Variants in PLEKHA8 observed in about 807,000 individuals in gnomAD.
The protein encoded by PLEKHA8 is pleckstrin homology domain containing A8.
In PLEKHA8, 36 loss-of-function variants were observed where a neutral mutation model predicts 68.2. That is an observed-to-expected ratio of 0.53 (90% CI 0.40 to 0.70). The LOEUF (loss-of-function observed/expected upper bound fraction) is 0.70. Ranked by LOEUF, PLEKHA8 falls within the 30% of genes least tolerant of loss-of-function variation. The probability of loss-of-function intolerance (pLI) is 0.00; values close to 1 mark genes in which losing one functional copy is unlikely to be tolerated. For missense variants in PLEKHA8, 505 were observed against 615.4 expected, an observed-to-expected ratio of 0.82 and a Z score of 1.90; for synonymous variants, 211 against 216.1, an observed-to-expected ratio of 0.98 and a Z score of 0.20.
rs775066035 is a variant in PLEKHA8, at chr7:30,028,771, G to C, written c.9G>C (p.Gly3=). The change falls in exon 1 of 14, where the codon GGG becomes GGC. Residue 3 remains glycine, a synonymous_variant. Coordinates refer to ENST00000449726, the MANE Select transcript of PLEKHA8 (RefSeq NM_001197026.2). ...GAGTGGCCGCGGGCGCCATGGAGGG[G>C]GTGCTGTACAAGTGGACCAACTATC... ME[G]VLYKWTNYLS... is the part of the protein sequence containing the mutation. The C allele has an allele frequency of 1.6e-6, 2 of 1,270,956 alleles. No individual in the cohort carries two copies. The highest frequency in any genetic ancestry group is 2.1e-4 in the Middle Eastern group (1 of 4,862). The allele number at this position is 1,270,956 out of a possible 1,614,324, so 78.7% of individuals were successfully genotyped here.
At chr7:30,117,978 A>G in intron 13 of PLEKHA8, 3 of 1,531,944 alleles carry the variant, frequency 2.0e-6, no homozygotes, top group South Asian at 1.2e-5. Context: ...AGGGACACAC[A>G]AATGTCTGAT....
chr7:30,104,350 A>T (rs1795982530), intron 13 of PLEKHA8, among the ~76,000 whole-genome samples: 1 of 152,206 alleles, frequency 6.6e-6, no homozygotes, highest in Non-Finnish European at 1.5e-5. Flanking sequence ...CTTTTTCCAT[A>T]ATAGCCCCAA....
chr7:30,065,567 C>T (rs1005596065), intron 12 of PLEKHA8, among the ~76,000 whole-genome samples: 1 of 152,106 alleles, frequency 6.6e-6, no homozygotes. Flanking sequence ...TTTGAAGTCC[C>T]AGCCTTCATA....
At chr7:30,116,790 C>T (rs1051446738) in intron 13 of PLEKHA8, among the ~76,000 whole-genome samples, 4 of 152,192 alleles carry the variant, frequency 2.6e-5, no homozygotes, top group African/African-American at 9.7e-5. Flanking sequence ...CTGAGCAAAA[C>T]CTGGAATGTC....
chr7:30,083,850 T>C lies in PLEKHA8; in HGVS notation c.*5063T>C. ...CTTACAAACAGAAACCACCCTGGGA[T>C]GGTTGATACCCCTTACAAAGTCGAT... On this transcript the variant is annotated 3_prime_UTR_variant, in exon 14 of 14. Coordinates refer to ENST00000449726, the MANE Select transcript of PLEKHA8 (RefSeq NM_001197026.2). 6.1e-6 allele frequency: 6 copies of C among 985,394 alleles called. No homozygotes were observed. The highest frequency in any genetic ancestry group is 7.2e-6 in the Non-Finnish European group (6 of 829,882). 61.0% of individuals were successfully genotyped at this position (985,394 alleles called of 1,614,324 possible). A position where few individuals can be genotyped will look rare whatever the true frequency, so the allele number is the denominator to read the frequency against.
chr7:30,058,849 G>T (rs1366676027), intron 9 of PLEKHA8, among the ~76,000 whole-genome samples: 1 of 152,192 alleles, frequency 6.6e-6, no homozygotes, highest in Non-Finnish European at 1.5e-5. Flanking sequence ...ATCGAAGGCT[G>T]GGCTCACTGG....
intron 13 of PLEKHA8, among the ~76,000 whole-genome samples, chr7:30,114,465 C>T (rs138130663): frequency 5.3e-5 from 8 of 152,308 alleles, no homozygotes; most frequent in African/African-American, 9.6e-5. Flanking sequence ...TCTTAGCTAC[C>T]GTGCAACAGT....
chr7:30,045,039 C>G, intron 1 of PLEKHA8, 46 bp from the exon 2 acceptor site: 1 of 1,348,974 alleles, frequency 7.4e-7, no homozygotes, highest in East Asian at 2.3e-5. Flanking sequence ...GGAGGTAGTT[C>G]ATACACAGGC....
intron 12 of PLEKHA8, among the ~76,000 whole-genome samples, chr7:30,067,529 G>GA (rs1312193949): frequency 1.3e-5 from 2 of 152,212 alleles, no homozygotes; most frequent in South Asian, 2.1e-4. Context: ...TGACCTAATA[G>GA]AAAAAAATAG....
At chr7:30,051,422 A>G (rs1792402120) in intron 6 of PLEKHA8, among the ~76,000 whole-genome samples, 1 of 151,886 alleles carries the variant, frequency 6.6e-6, no homozygotes, top group Non-Finnish European at 1.5e-5. Context: ...AAAATAGCAA[A>G]TACTTTTCCT....
At chr7:30,115,959 C>CATGCATACATGTGCATGCATGCATGT (rs1431221770) in intron 13 of PLEKHA8, 3 of 146,498 alleles carry the variant, frequency 2.0e-5, no homozygotes, top group Non-Finnish European at 3.0e-5. Context: ...CGCATACATG[C>CATGCATACATGTGCATGCATGCATGT]ATGCATACAT....
At chr7:30,105,934 T>C (rs1196400551) in intron 13 of PLEKHA8, among the ~76,000 whole-genome samples, 1 of 152,256 alleles carries the variant, frequency 6.6e-6, no homozygotes, top group East Asian at 1.9e-4. Context: ...GAATCCACCT[T>C]TTGGTGATTA....
In PLEKHA8 at chr7:30,081,637, T is replaced by C; in HGVS notation, c.*2850T>C. On this transcript the variant is annotated 3_prime_UTR_variant, in exon 14 of 14. Transcript: ENST00000449726. The stretch of plus-strand genomic sequence containing the variant: ...GAGGTGAGAAAACTCTAGTATTTTG[T>C]TGGCAGAGTAATCACTTTGTTCTCA... The C allele has an allele frequency of 1.0e-6, 1 of 985,348 alleles. No homozygotes were observed. The highest frequency in any genetic ancestry group is 1.2e-6 in the Non-Finnish European group (1 of 829,834). The allele number at this position is 985,348 out of a possible 1,614,324, so 61.0% of individuals were successfully genotyped here. A position where few individuals can be genotyped will look rare whatever the true frequency, so the allele number is the denominator to read the frequency against.
intron 1 of PLEKHA8, among the ~76,000 whole-genome samples, chr7:30,040,691 G>A (rs146195064): frequency 2.4e-4 from 36 of 152,304 alleles, no homozygotes; most frequent in African/African-American, 7.7e-4. Context: ...TATGCTTTCT[G>A]TAGTGAAACA....
chr7:30,115,860 GTGCA>G (rs1444817349), intron 13 of PLEKHA8: 19 of 147,572 alleles, frequency 1.3e-4, no homozygotes, highest in South Asian at 4.2e-4. Flanking sequence ...GCATACATAC[GTGCA>G]CATACATGTA....
At chr7:30,056,346 TA>T (rs1562870171) in intron 9 of PLEKHA8, among the ~76,000 whole-genome samples, 59 of 128,984 alleles carry the variant, frequency 4.6e-4, no homozygotes, top group African/African-American at 9.9e-4. Context: ...AACATATATA[TA>T]ATATATATAA....
intron 12 of PLEKHA8, among the ~76,000 whole-genome samples, chr7:30,068,796 C>G (rs1472720682): frequency 6.6e-6 from 1 of 152,128 alleles, no homozygotes; most frequent in Non-Finnish European, 1.5e-5. Context: ...ATCCCTCTCT[C>G]CCTTGAGGTC....
chr7:30,056,779 GTGTGTGTATA>G lies in PLEKHA8; in HGVS notation c.1039+1439_1039+1448del, dbSNP rs779104292. 8.9e-3 allele frequency among the ~76,000 whole-genome samples: 900 copies of G among 101,388 alleles called. 8 individuals carry two copies. Among genetic ancestry groups the G allele is most frequent in the Non-Finnish European group, 0.016 (755 of 48,306 alleles). The allele number at this position is 101,388 out of a possible 152,430, so 66.5% of individuals were successfully genotyped here. ...TGTGTGTGTGTGTGTGTGTGTGTGT[GTGTGTGTATA>G]TATATATGTTATGTGTATATATATG... On this transcript the variant is annotated intron_variant, in intron 9 of 13. Coordinates refer to ENST00000449726, the MANE Select transcript of PLEKHA8 (RefSeq NM_001197026.2).
At chr7:30,031,871 G>A (rs549019671) in intron 1 of PLEKHA8, among the ~76,000 whole-genome samples, 49 of 152,070 alleles carry the variant, frequency 3.2e-4, no homozygotes, top group African/African-American at 9.9e-4. Flanking sequence ...TGATAATAGC[G>A]TCTGAGGTTT....
Sources: gnomAD v4.1 joint callset for allele counts (sites outside exome capture counted in the v4.1 genomes callset) on GRCh38, gnomAD v4.1.1 for gene constraint, MANE v1.5 for transcripts, NCBI Gene and HGNC (gene_info 2026-07-23, HGNC 2026-07-21) for gene names.